AMMECR1: variants seen among roughly 807,000 people sequenced by gnomAD.
The protein encoded by AMMECR1 is AMMECR nuclear protein 1.
A neutral mutation model predicts 22.5 loss-of-function variants in AMMECR1; 3 were observed. The observed-to-expected ratio is 0.13, with a 90% CI of 0.06 to 0.35. The LOEUF is 0.35. AMMECR1 is among the 10% of genes least tolerant of loss of function. AMMECR1 has a pLI of 1.00. For missense variants in AMMECR1, 235 were observed against 278.7 expected, an observed-to-expected ratio of 0.84 and a Z score of 1.12; for synonymous variants, 130 against 116.7, an observed-to-expected ratio of 1.11 and a Z score of -0.74.
chrX:110,408,336 C>T (rs755535325), intron 2 of AMMECR1, among the ~76,000 whole-genome samples: 5 of 111,652 alleles, frequency 4.5e-5, no homozygotes, highest in Non-Finnish European at 9.4e-5. Flanking sequence ...CAATACTGCC[C>T]CCTAGGGGAC....
At chrX:110,413,821 C>CATG (rs1340644135) in intron 2 of AMMECR1, among the ~76,000 whole-genome samples, 3 of 111,242 alleles carry the variant, frequency 2.7e-5, no homozygotes, top group Non-Finnish European at 3.8e-5. Flanking sequence ...CATCCTGGAA[C>CATG]ATGATGATGA....
At chrX:110,356,325 G>C (rs1416812446) in intron 2 of AMMECR1, among the ~76,000 whole-genome samples, 1 of 108,434 alleles carries the variant, frequency 9.2e-6, no homozygotes, top group Admixed American at 9.9e-5. Flanking sequence ...GCTGATTTTT[G>C]TGTTTTTTTA....
intron 1 of AMMECR1, among the ~76,000 whole-genome samples, chrX:110,284,371 G>GT (rs1424218213): frequency 8.9e-6 from 1 of 111,735 alleles, no homozygotes; most frequent in Non-Finnish European, 1.9e-5. Flanking sequence ...AACTGGAAGG[G>GT]AAGTTTGGTT....
At chrX:110,398,677 G>A (rs755669765) in intron 2 of AMMECR1, among the ~76,000 whole-genome samples, 326 of 111,887 alleles carry the variant, frequency 2.9e-3, no homozygotes, top group Non-Finnish European at 3.6e-3. Flanking sequence ...CCACCAAGTT[G>A]AATTATTTGT....
At chrX:110,421,686 G>A (rs1347257485) in intron 2 of AMMECR1, among the ~76,000 whole-genome samples, 2 of 112,687 alleles carry the variant, frequency 1.8e-5, no homozygotes, top group Non-Finnish European at 3.7e-5. Flanking sequence ...TCAACTCATC[G>A]ATCCTCTTCT....
At chrX:110,200,767 T>C (rs926051983) in intron 5 of AMMECR1, among the ~76,000 whole-genome samples, 187 bp downstream of exon 5, 2 of 112,171 alleles carry the variant, frequency 1.8e-5, no homozygotes, top group Admixed American at 1.9e-4. Context: ...GATAGGCTCA[T>C]ACATCACACA....
At chrX:110,367,298 T>C (rs781304992) in intron 2 of AMMECR1, among the ~76,000 whole-genome samples, 1 of 112,115 alleles carries the variant, frequency 8.9e-6, no homozygotes, top group Non-Finnish European at 1.9e-5. Context: ...GAGTTGTCTC[T>C]GCTCATTCGT....
intron 2 of AMMECR1, among the ~76,000 whole-genome samples, chrX:110,261,012 G>A (rs1189499308): frequency 9.0e-6 from 1 of 111,350 alleles, no homozygotes; most frequent in East Asian, 2.8e-4. Flanking sequence ...ACGCAAAGTA[G>A]AATGGTGGTT....
intron 2 of AMMECR1, among the ~76,000 whole-genome samples, chrX:110,345,406 C>A (rs912680091): frequency 1.8e-5 from 2 of 110,046 alleles, no homozygotes; most frequent in Admixed American, 9.6e-5. Flanking sequence ...ATGATGAGTT[C>A]ATGGGTGCAG....
intron 2 of AMMECR1, among the ~76,000 whole-genome samples, chrX:110,376,719 A>T: frequency 8.9e-6 from 1 of 112,448 alleles, no homozygotes; most frequent in East Asian, 2.8e-4. Flanking sequence ...CTAGCTAGCT[A>T]TTTGCCTTTG....
At chrX:110,396,271 T>A (rs1210764671) in intron 2 of AMMECR1, among the ~76,000 whole-genome samples, 1 of 111,564 alleles carries the variant, frequency 9.0e-6, no homozygotes, top group Non-Finnish European at 1.9e-5. Context: ...AAAAATATAG[T>A]ATAATGAACC....
At chrX:110,418,927 A>C (rs760364514) in intron 2 of AMMECR1, 8 of 107,517 alleles carry the variant, frequency 7.4e-5, no homozygotes, top group African/African-American at 2.7e-4. Context: ...CACAGGCAGC[A>C]GCTGGGGCCA....
intron 1 of AMMECR1, among the ~76,000 whole-genome samples, chrX:110,268,464 C>A (rs2067781174): frequency 8.9e-6 from 1 of 112,206 alleles, no homozygotes; most frequent in Admixed American, 9.5e-5. Context: ...TTAAAAACAA[C>A]TAAAATACCT....
At chrX:110,288,475 A>C (rs1390141197) in intron 1 of AMMECR1, among the ~76,000 whole-genome samples, 1 of 112,219 alleles carries the variant, frequency 8.9e-6, no homozygotes, top group East Asian at 2.8e-4. Flanking sequence ...TTCAAGAGTC[A>C]GATTGTGCGC....
At chrX:110,336,694 G>A (rs1021173054) in intron 2 of AMMECR1, among the ~76,000 whole-genome samples, 3 of 108,739 alleles carry the variant, frequency 2.8e-5, no homozygotes, top group Admixed American at 9.9e-5. Context: ...GCAAGACTCC[G>A]TCTCAAAAAA....
chrX:110,388,493 G>A (rs1201194914), intron 2 of AMMECR1, among the ~76,000 whole-genome samples: 6 of 111,791 alleles, frequency 5.4e-5, no homozygotes, highest in African/African-American at 9.8e-5. Flanking sequence ...GGCACATGGC[G>A]CTAGGATGTA....
At chrX:110,427,817 A>G (rs2068765157) in intron 1 of AMMECR1, among the ~76,000 whole-genome samples, 1 of 111,768 alleles carries the variant, frequency 8.9e-6, no homozygotes, top group Non-Finnish European at 1.9e-5. Flanking sequence ...GTCATTTGCA[A>G]TTCTCTTAGA....
chrX:110,241,664 G>A (rs755655549), intron 2 of AMMECR1, among the ~76,000 whole-genome samples: 6 of 108,815 alleles, frequency 5.5e-5, no homozygotes, highest in Non-Finnish European at 9.5e-5. Flanking sequence ...CTGTCGGGGG[G>A]TGGGGGCCTA....
At chrX:110,360,450 GTGGGAGGTGATGTTATCT>G (rs924144678) in intron 2 of AMMECR1, among the ~76,000 whole-genome samples, 20 of 111,675 alleles carry the variant, frequency 1.8e-4, no homozygotes, top group Non-Finnish European at 3.4e-4. Flanking sequence ...CATTGTCCAG[GTGGGAGGTGATGTTATCT>G]TGAACTAGAT....
Sources: allele counts gnomAD v4.1 joint callset (sites outside exome capture counted in the v4.1 genomes callset), GRCh38; gene constraint gnomAD v4.1.1; transcripts MANE v1.5; gene names NCBI Gene and HGNC (gene_info 2026-07-23, HGNC 2026-07-21).